MTG2: variants seen among roughly 807,000 people sequenced by gnomAD.
MTG2 encodes mitochondrial ribosome-associated GTPase 2.
Under a neutral mutation model 28.6 loss-of-function variants are expected in MTG2, and 23 were observed. The ratio of observed to expected loss-of-function variants is 0.80; its 90% confidence interval spans 0.58 to 1.14. The LOEUF is 1.14. Among genes scored for constraint, MTG2 ranks in the 50% most tolerant of loss-of-function variants. The probability of loss-of-function intolerance (pLI) is 0.00; values close to 1 mark genes in which losing one functional copy is unlikely to be tolerated. For synonymous variants in MTG2, 260 were observed against 251.8 expected (o/e 1.03, Z -0.31); for missense variants, 539 against 552.0 (o/e 0.98, Z 0.24).
At chr20:62,194,247 G>A (rs1252392118) in intron 2 of MTG2, among the ~76,000 whole-genome samples, 1 of 152,160 alleles carries the variant, frequency 6.6e-6, no homozygotes, top group Non-Finnish European at 1.5e-5. Flanking sequence ...TCAAGAAAAT[G>A]CACGTTTATG....
In MTG2 at chr20:62,198,831, G is replaced by A. The variant is rs2058108034; in HGVS notation, c.666G>A (p.Lys222=). The A allele has an allele frequency of 6.2e-7, 1 of 1,614,002 alleles. No individual in the cohort carries two copies. Among genetic ancestry groups the A allele is most frequent in the Non-Finnish European group, 8.5e-7 (1 of 1,180,050 alleles). ...AGCGAGTTCTCCACCTGGAGCTCAA[G>A]ACGGTGGCCCACGCCGGAATGGTAG... ...GQQRVLHLEL[K]TVAHAGMVGF... The change falls in exon 5 of 7, where the codon AAG becomes AAA. Residue 222 remains lysine (K), a synonymous_variant. Coordinates refer to ENST00000370823, the MANE Select transcript of MTG2 (RefSeq NM_015666.4).
At chr20:62,194,390 T>C (rs2058021237) in intron 2 of MTG2, among the ~76,000 whole-genome samples, 1 of 152,208 alleles carries the variant, frequency 6.6e-6, no homozygotes, top group African/African-American at 2.4e-5. Context: ...GCTTGTCTCC[T>C]CCCCAGGAGA....
chr20:62,200,194 C>T (rs2058139811), intron 6 of MTG2: 1 of 152,758 alleles, frequency 6.5e-6, no homozygotes, highest in Non-Finnish European at 1.5e-5. Flanking sequence ...GACTTAAAAG[C>T]TTTCCTTGTG....
intron 1 of MTG2, among the ~76,000 whole-genome samples, chr20:62,184,157 G>A (rs185046569): frequency 6.6e-6 from 1 of 152,346 alleles, no homozygotes; most frequent in African/African-American, 2.4e-5. Context: ...AGGAGTTAAA[G>A]ACCAGCCTGG....
At chr20:62,190,755 G>GGCC (rs1401479903) in intron 1 of MTG2, among the ~76,000 whole-genome samples, 1 of 152,222 alleles carries the variant, frequency 6.6e-6, no homozygotes, top group African/African-American at 2.4e-5. Flanking sequence ...CAGCGGCGGC[G>GGCC]GCCGCACAGG....
chr20:62,200,574 C>A (rs1322795238), intron 6 of MTG2, 109 bp from the exon 7 acceptor site: 2 of 1,340,474 alleles, frequency 1.5e-6, no homozygotes, highest in Non-Finnish European at 2.0e-6. Flanking sequence ...TCAGGAAATC[C>A]GCCTTCGCAG....
At chr20:62,195,308 T>A (rs1038203765) in intron 2 of MTG2, among the ~76,000 whole-genome samples, 1 of 152,248 alleles carries the variant, frequency 6.6e-6, no homozygotes, top group African/African-American at 2.4e-5. Context: ...ATACTCTTTC[T>A]TCAGAGTCGA....
At position 62,202,125 on chromosome 20, in the gene MTG2, GTC is replaced by G. The variant is rs1568795580; in HGVS notation, c.*1050_*1051del. 6.6e-6 allele frequency: 1 copy of G among 152,260 alleles called. No homozygotes were observed. Among genetic ancestry groups the G allele is most frequent in the Non-Finnish European group, 1.5e-5 (1 of 68,070 alleles). The allele number at this position is 152,260 out of a possible 1,614,324, so 9.4% of individuals were successfully genotyped here. ...TCGAGACTGCAGCAGCGCCTTTCCTGTCTGTGGTTTAAGTCTTTGCAGTCAAG... is the reference window on the plus strand; with the variant it reads ...TCGAGACTGCAGCAGCGCCTTTCCTGTGTGGTTTAAGTCTTTGCAGTCAAG... On this transcript the variant is annotated 3_prime_UTR_variant, in exon 7 of 7. Transcript: ENST00000370823.
rs922927372 is a variant in MTG2 at position 62,203,114 on chromosome 20, C to T, written c.*2037C>T. 5 of 152,232 alleles carry T rather than the reference C, an allele frequency of 3.3e-5. No homozygotes were observed. The highest frequency in any genetic ancestry group is 1.2e-4 in the African/African-American group (5 of 41,460). The allele number at this position is 152,232 out of a possible 1,614,324, so 9.4% of individuals were successfully genotyped here. A position where few individuals can be genotyped will look rare whatever the true frequency, so the allele number is the denominator to read the frequency against. The stretch of plus-strand genomic sequence containing the variant: ...CACAAAGGATTTTGTGGAGTCGCCC[C>T]AGGCCTGACGGCGTTAATTATCCCT... On this transcript the variant is annotated 3_prime_UTR_variant, in exon 7 of 7. Coordinates refer to ENST00000370823, the MANE Select transcript of MTG2 (RefSeq NM_015666.4).
intron 1 of MTG2, 52 bp from the exon 2 acceptor site, chr20:62,193,364 T>C: frequency 6.4e-7 from 1 of 1,567,718 alleles, no homozygotes; most frequent in Admixed American, 1.7e-5. Context: ...AGTTTCTGTT[T>C]CATGCCCAGC....
chr20:62,196,408 C>T (rs2058059025), intron 3 of MTG2, among the ~76,000 whole-genome samples: 1 of 151,422 alleles, frequency 6.6e-6, no homozygotes, highest in African/African-American at 2.4e-5. Context: ...CGCAGTGGCT[C>T]ATGCCTGTAA....
At chr20:62,198,405 G>A (rs2058098805) in intron 4 of MTG2, 1 of 591,398 alleles carries the variant, frequency 1.7e-6, no homozygotes, top group Admixed American at 3.0e-5. Context: ...ATTTGAAAAA[G>A]CCCTTTGTGC....
rs201137793 is a variant in MTG2, at chr20:62,200,529, G to T, written c.827-154G>T. 0.14 allele frequency among the ~76,000 whole-genome samples: 20,833 copies of T among 152,124 alleles called. 1,934 individuals carry two copies. The highest frequency in any genetic ancestry group is 0.5 in the East Asian group (2,570 of 5,144). ...CCAGGTGCTAAATCAAATGGCTTCA[G>T]TTCAAGGCGTTCCTTGAAAGGAAAG... On this transcript the variant is annotated intron_variant, in intron 6 of 6. Coordinates refer to ENST00000370823, the MANE Select transcript of MTG2 (RefSeq NM_015666.4).
At chr20:62,185,442 A>ATAT (rs375944895) in intron 1 of MTG2, among the ~76,000 whole-genome samples, 1 of 151,484 alleles carries the variant, frequency 6.6e-6, no homozygotes, top group Non-Finnish European at 1.5e-5. Flanking sequence ...TAAAAAATAA[A>ATAT]ATATATACAC....
In MTG2 at chr20:62,202,435, C is replaced by CA. The variant is rs1191780480; in HGVS notation, c.*1364dup. On this transcript the variant is annotated 3_prime_UTR_variant, in exon 7 of 7. Coordinates refer to ENST00000370823, the MANE Select transcript of MTG2 (RefSeq NM_015666.4). Reference sequence around the variant, plus strand: ...TGAGTGACAGAGCGAGACCCTGTCTCAAAAAACAAACAAACAAACAAACAA... The same window carrying CA: ...TGAGTGACAGAGCGAGACCCTGTCTCAAAAAAACAAACAAACAAACAAACAA... 2 of 148,204 alleles carry CA rather than the reference C, an allele frequency of 1.3e-5. No homozygotes were observed. The highest frequency in any genetic ancestry group is 7.3e-5 in the Admixed American group (1 of 13,624). The allele number at this position is 148,204 out of a possible 1,614,324, so 9.2% of individuals were successfully genotyped here.
At chr20:62,183,364 TG>T (rs1210808766) in intron 1 of MTG2, among the ~76,000 whole-genome samples, 2 of 152,244 alleles carry the variant, frequency 1.3e-5, no homozygotes, top group Non-Finnish European at 2.9e-5. Context: ...GGTGGTGCTC[TG>T]TCACGGGATG....
At chr20:62,196,695 C>A (rs565709813) in intron 3 of MTG2, among the ~76,000 whole-genome samples, 19 of 151,338 alleles carry the variant, frequency 1.3e-4, no homozygotes, top group Non-Finnish European at 2.2e-4. Context: ...AACAAACAAA[C>A]AAAAAAAACC....
chr20:62,197,168 G>C (rs961605952), intron 3 of MTG2: 3 of 152,052 alleles, frequency 2.0e-5, no homozygotes, highest in Admixed American at 1.3e-4. Flanking sequence ...AGGCCAAGGC[G>C]AGTGGATCAC....
intron 1 of MTG2, among the ~76,000 whole-genome samples, chr20:62,186,653 C>G (rs570463005): frequency 6.6e-6 from 1 of 151,874 alleles, no homozygotes; most frequent in Non-Finnish European, 1.5e-5. Context: ...CTCAGCCTCC[C>G]GAGTAGCCGG....
Sources: gnomAD v4.1 joint callset for allele counts (sites outside exome capture counted in the v4.1 genomes callset) on GRCh38, gnomAD v4.1.1 for gene constraint, MANE v1.5 for transcripts, NCBI Gene and HGNC (gene_info 2026-07-23, HGNC 2026-07-21) for gene names.